The following OTUD7A variants were observed in gnomAD, a reference collection of about 807,000 sequenced individuals.
OTUD7A encodes the protein OTU deubiquitinase 7A.
In OTUD7A, 12 loss-of-function variants were observed where a neutral mutation model predicts 65.7. The ratio of observed to expected loss-of-function variants is 0.18; its 90% CI spans 0.12 to 0.30. The LOEUF (loss-of-function observed/expected upper bound fraction) is 0.30, where lower values mean the gene tolerates loss of function less well. OTUD7A is among the 10% of genes least tolerant of loss of function. The pLI is 1.00. For synonymous variants in OTUD7A, 641 were observed against 586.3 expected (o/e 1.09, Z -1.35); for missense variants, 1,148 against 1,304.8 (o/e 0.88, Z 1.85).
At chr15:31,673,297 G>A (rs116436151) in intron 1 of OTUD7A, among the ~76,000 whole-genome samples, 3,203 of 152,268 alleles carry the variant, frequency 0.021, 107 homozygotes, top group African/African-American at 0.073. Flanking sequence ...TATCCACAAG[G>A]AATAATAATC....
At chr15:31,612,124 A>C (rs1890444132) in intron 3 of OTUD7A, among the ~76,000 whole-genome samples, 1 of 152,228 alleles carries the variant, frequency 6.6e-6, no homozygotes, top group African/African-American at 2.4e-5. Flanking sequence ...ACTCTTGGCA[A>C]AATCAGCAAC....
chr15:31,688,455 G>A (rs909254590), intron 1 of OTUD7A, among the ~76,000 whole-genome samples: 4 of 151,906 alleles, frequency 2.6e-5, no homozygotes, highest in African/African-American at 9.7e-5. Flanking sequence ...AGAGAAAAAC[G>A]AAAGCAGGCC....
At position 31,482,174 on chromosome 15, in the gene OTUD7A, C is replaced by T. The variant is rs2041131862; in HGVS notation, c.*1120G>A. Reference sequence around the variant, plus strand: ...AAGAGACCGCTCAGGGATCGGGCTGCTCCCTCATTGTGTCACGAGACGGAG... The same window carrying T: ...AAGAGACCGCTCAGGGATCGGGCTGTTCCCTCATTGTGTCACGAGACGGAG... On this transcript the variant is annotated 3_prime_UTR_variant, in exon 13 of 13. Transcript: ENST00000307050. 6.6e-6 allele frequency: 1 copy of T among 152,232 alleles called. No individual in the cohort carries two copies. The highest frequency in any genetic ancestry group is 2.4e-5 in the African/African-American group (1 of 41,458). 9.4% of individuals were successfully genotyped at this position (152,232 alleles called of 1,614,324 possible). A position where few individuals can be genotyped will look rare whatever the true frequency, so the allele number is the denominator to read the frequency against.
intron 3 of OTUD7A, among the ~76,000 whole-genome samples, chr15:31,605,037 A>G (rs902331638): frequency 6.6e-6 from 1 of 152,230 alleles, no homozygotes; most frequent in Non-Finnish European, 1.5e-5. Context: ...GCTAGGACGC[A>G]TGGCCAGGCC....
chr15:31,483,786 G>T lies in OTUD7A; in HGVS notation c.2310C>A (p.Pro770=). The change falls in exon 13 of 13, where the codon CCC becomes CCA. Residue 770 remains proline, a synonymous_variant. Transcript: ENST00000307050. The part of the protein sequence containing the change: ...SASGPVPGRS[P]PAPARQSVIH... ...TGACGCTCTGGCGCGCTGGCGCCGG[G>T]GGGCTGCGGCCAGGCACTGGTCCGC... is the stretch of plus-strand genomic sequence containing the variant. The T allele has an allele frequency of 3.8e-6, 4 of 1,045,552 alleles. No homozygotes were observed. The highest frequency in any genetic ancestry group is 4.6e-6 in the Non-Finnish European group (4 of 871,044). The allele number at this position is 1,045,552 out of a possible 1,614,324, so 64.8% of individuals were successfully genotyped here. A position where few individuals can be genotyped will look rare whatever the true frequency, so the allele number is the denominator to read the frequency against.
At chr15:31,796,138 G>GGTGCGT (rs1895947217) in intron 1 of OTUD7A, among the ~76,000 whole-genome samples, 1 of 35,752 alleles carries the variant, frequency 2.8e-5, no homozygotes. Flanking sequence ...ACCAGTAAGG[G>GGTGCGT]GTGCGTGTGT....
intron 1 of OTUD7A, among the ~76,000 whole-genome samples, chr15:31,733,035 A>T (rs2141363360): frequency 1.3e-5 from 2 of 152,358 alleles, no homozygotes; most frequent in Middle Eastern, 6.8e-3. Flanking sequence ...GTCTCCTGAA[A>T]AAAAGCTCTT....
chr15:31,758,027 T>C (rs1458334135), intron 1 of OTUD7A, among the ~76,000 whole-genome samples: 1 of 152,198 alleles, frequency 6.6e-6, no homozygotes, highest in Non-Finnish European at 1.5e-5. Flanking sequence ...CTCACAAAAA[T>C]AAATGTCTTC....
At chr15:31,714,852 T>C (rs1472538408) in intron 1 of OTUD7A, among the ~76,000 whole-genome samples, 1 of 152,090 alleles carries the variant, frequency 6.6e-6, no homozygotes, top group South Asian at 2.1e-4. Context: ...AAGATGTAAA[T>C]TGGCCAGGCG....
intron 8 of OTUD7A, among the ~76,000 whole-genome samples, chr15:31,518,239 C>T (rs897729873): frequency 6.6e-6 from 1 of 151,950 alleles, no homozygotes; most frequent in Non-Finnish European, 1.5e-5. Context: ...TTTGGGAGGC[C>T]GAGGCGGGTG....
intron 1 of OTUD7A, among the ~76,000 whole-genome samples, chr15:31,726,701 T>C (rs1595729956): frequency 6.6e-6 from 1 of 152,212 alleles, no homozygotes; most frequent in South Asian, 2.1e-4. Context: ...AGTAACTTCA[T>C]GTGGGCTCCA....
intron 5 of OTUD7A, among the ~76,000 whole-genome samples, chr15:31,553,481 G>A (rs562718515): frequency 3.5e-4 from 53 of 152,166 alleles, no homozygotes; most frequent in African/African-American, 1.3e-3. Flanking sequence ...CCAACGCAGG[G>A]CTCTCTCTGA....
intron 1 of OTUD7A, among the ~76,000 whole-genome samples, chr15:31,842,016 G>T (rs1897194338): frequency 6.6e-6 from 1 of 152,182 alleles, no homozygotes; most frequent in South Asian, 2.1e-4. Flanking sequence ...GCGACCACCT[G>T]CATGCCCATC....
At chr15:31,565,362 A>G (rs367589365) in intron 4 of OTUD7A, among the ~76,000 whole-genome samples, 2 of 152,216 alleles carry the variant, frequency 1.3e-5, no homozygotes, top group South Asian at 4.1e-4. Context: ...TAAGCAAATG[A>G]CTAATAAGAG....
At position 31,562,167 on chromosome 15, in the gene OTUD7A, T is replaced by G. The variant is rs374595368; in HGVS notation, c.332-2980A>C. On this transcript the variant is annotated intron_variant, in intron 4 of 12. Transcript: ENST00000307050. ...TCTTTGTTTTTGTGGCTCTGGCACC[T>G]GGGACCTCCCTGACTGGGGAGAGGC... is the stretch of plus-strand genomic sequence containing the variant. 2.5e-4 allele frequency among the ~76,000 whole-genome samples: 38 copies of G among 152,302 alleles called. No homozygotes were observed. The South Asian group carries it at 7.2e-3, about 29-fold the overall frequency.
In OTUD7A at chr15:31,476,184, GC is replaced by G. The variant is rs1309771045; in HGVS notation, c.*7109del. The G allele has an allele frequency of 6.6e-6, 1 of 152,272 alleles. No homozygotes were observed. Among genetic ancestry groups the G allele is most frequent in the East Asian group, 1.9e-4 (1 of 5,194 alleles). The allele number at this position is 152,272 out of a possible 1,614,324, so 9.4% of individuals were successfully genotyped here. Reference sequence around the variant, plus strand: ...AGAGCCCAGCCTTTCCCACCTGGGGGCCCAGGGAAGACAAGCTCCTACTGAA... The same window carrying G: ...AGAGCCCAGCCTTTCCCACCTGGGGGCCAGGGAAGACAAGCTCCTACTGAA... On this transcript the variant is annotated 3_prime_UTR_variant, in exon 13 of 13. Coordinates refer to ENST00000307050, the MANE Select transcript of OTUD7A (RefSeq NM_001382637.1).
At chr15:31,592,920 T>A (rs868281730) in intron 3 of OTUD7A, among the ~76,000 whole-genome samples, 5,435 of 74,890 alleles carry the variant, frequency 0.073, 310 homozygotes, top group East Asian at 0.21. Context: ...TATATATATA[T>A]ATATATATAT....
chr15:31,808,988 TG>T (rs1886629338), intron 1 of OTUD7A, among the ~76,000 whole-genome samples: 1 of 152,150 alleles, frequency 6.6e-6, no homozygotes, highest in Non-Finnish European at 1.5e-5. Context: ...AAGTGGAGAC[TG>T]AAAAGCAAAA....
chr15:31,867,623 C>T (rs1428676843), intron 1 of OTUD7A, among the ~76,000 whole-genome samples: 3 of 152,192 alleles, frequency 2.0e-5, no homozygotes, highest in Non-Finnish European at 2.9e-5. Flanking sequence ...CACGGGGTTG[C>T]CCTGGCTGGC....
Sources: gnomAD v4.1 joint callset for allele counts (sites outside exome capture counted in the v4.1 genomes callset) on GRCh38, gnomAD v4.1.1 for gene constraint, MANE v1.5 for transcripts, NCBI Gene and HGNC (gene_info 2026-07-23, HGNC 2026-07-21) for gene names.